The following CLUAP1 variants were observed in gnomAD, a reference collection of about 807,000 sequenced individuals.
CLUAP1 encodes the protein intraflagellar transport 38.
A neutral mutation model predicts 55.0 loss-of-function variants in CLUAP1; 50 were observed. The ratio of observed to expected loss-of-function variants is 0.91; its 90% CI spans 0.72 to 1.15. CLUAP1 has a LOEUF of 1.15. CLUAP1 is among the 50% of genes most tolerant of loss of function. The probability of loss-of-function intolerance (pLI) is 0.00; values close to 1 mark genes in which losing one functional copy is unlikely to be tolerated. For missense variants in CLUAP1, 530 were observed against 507.6 expected (o/e 1.04, Z -0.42); for synonymous variants, 195 against 175.4 (o/e 1.11, Z -0.88).
At chr16:3,496,404 T>C, upstream of CLUAP1, 1 of 1,082,390 alleles carries the variant, frequency 9.2e-7, no homozygotes, top group Non-Finnish European at 1.4e-6. Flanking sequence ...TCCCGGATGA[T>C]CCGGAAGATG....
chr16:3,515,802 T>C (rs146568208), intron 6 of CLUAP1, among the ~76,000 whole-genome samples: 2 of 152,356 alleles, frequency 1.3e-5, no homozygotes, highest in East Asian at 3.9e-4. Context: ...TCTCATGTTA[T>C]TAAAAATTGA....
intron 11 of CLUAP1, chr16:3,533,469 G>T: frequency 2.6e-6 from 1 of 383,194 alleles, no homozygotes; most frequent in African/African-American, 2.0e-5. Context: ...GGACGGAATG[G>T]TGAAGCAGCA....
upstream of CLUAP1, chr16:3,500,976 C>G (rs1177502264): frequency 7.6e-7 from 1 of 1,316,018 alleles, no homozygotes; most frequent in East Asian, 2.5e-5. Flanking sequence ...GTCCAAGGGT[C>G]CATTGGTTGC....
chr16:3,520,049 A>G lies in CLUAP1; in HGVS notation c.713+13A>G. ...TGCAGAGTGTCAGGTAGATATGAACACTTGGAGAATGAGTAGAAAGATGTC... is the reference window on the plus strand; with the variant it reads ...TGCAGAGTGTCAGGTAGATATGAACGCTTGGAGAATGAGTAGAAAGATGTC... On this transcript the variant is annotated intron_variant, in intron 7 of 11. Coordinates refer to ENST00000576634, the MANE Select transcript of CLUAP1 (RefSeq NM_015041.3). 6.3e-7 allele frequency: 1 copy of G among 1,593,830 alleles called. No homozygotes were observed. Among genetic ancestry groups the G allele is most frequent in the Non-Finnish European group, 8.5e-7 (1 of 1,173,636 alleles).
At chr16:3,526,856 T>A (rs1344840806) in intron 9 of CLUAP1, among the ~76,000 whole-genome samples, 2 of 152,180 alleles carry the variant, frequency 1.3e-5, no homozygotes, top group Non-Finnish European at 1.5e-5. Context: ...GATGCGTAAC[T>A]ATAAGAAAAC....
chr16:3,512,780 A>G (rs1243719659), intron 5 of CLUAP1, among the ~76,000 whole-genome samples: 2 of 152,134 alleles, frequency 1.3e-5, no homozygotes, highest in South Asian at 2.1e-4. Flanking sequence ...TCCCAGGTTC[A>G]CGCCATTCTC....
At chr16:3,500,367 T>C (rs1362545493), upstream of CLUAP1, among the ~76,000 whole-genome samples, 1 of 75,318 alleles carries the variant, frequency 1.3e-5, no homozygotes, top group East Asian at 5.5e-4. Flanking sequence ...GTATAGTGCA[T>C]TTTTTTTTTT....
At position 3,519,908 on chromosome 16, in the gene CLUAP1, G is replaced by A; in HGVS notation, c.585G>A (p.Gln195=). 2 of 1,597,888 alleles carry A rather than the reference G, an allele frequency of 1.3e-6. No homozygotes were observed. Among genetic ancestry groups the A allele is most frequent in the Non-Finnish European group, 1.7e-6 (2 of 1,175,456 alleles). Residue 195 remains glutamine (Q), a synonymous_variant, in exon 7 of 12, where the codon CAG becomes CAA. Transcript: ENST00000576634. ...TTATTTCCCATTAAATATAGACACA[G>A]GTTCAGAAGACTAAAGACCTGCTCA... ...MRIAIKEILT[Q]VQKTKDLLNN...
chr16:3,521,567 TG>T (rs1188966696), intron 7 of CLUAP1, among the ~76,000 whole-genome samples: 1 of 151,878 alleles, frequency 6.6e-6, no homozygotes, highest in Non-Finnish European at 1.5e-5. Flanking sequence ...CTCAAGTAGC[TG>T]GGATTACAGG....
intron 4 of CLUAP1, among the ~76,000 whole-genome samples, chr16:3,509,393 C>G (rs1049327294): frequency 6.6e-6 from 1 of 152,164 alleles, no homozygotes; most frequent in African/African-American, 2.4e-5. Context: ...TCGTTGGGAT[C>G]CAAGCGGAAC....
intron 5 of CLUAP1, among the ~76,000 whole-genome samples, chr16:3,512,773 C>T (rs564598446): frequency 1.0e-3 from 154 of 152,274 alleles, no homozygotes; most frequent in African/African-American, 3.7e-3. Context: ...CTCCGCCTCC[C>T]AGGTTCACGC....
intron 5 of CLUAP1, 86 bp from the exon 6 acceptor site, chr16:3,515,422 T>A (rs2037711115): frequency 2.2e-6 from 2 of 912,286 alleles, no homozygotes; most frequent in Non-Finnish European, 3.4e-6. Context: ...GGAGAATCAG[T>A]CTATAAGGCA....
At chr16:3,496,173 C>T, upstream of CLUAP1, 1 of 502,800 alleles carries the variant, frequency 2.0e-6, no homozygotes, top group Non-Finnish European at 3.8e-6. Context: ...TTCATCTTTC[C>T]GGACCTGGCC....
chr16:3,501,034 G>A lies in CLUAP1; in HGVS notation c.-34G>A, dbSNP rs375774922. ...GCCTGTGATCGCTGAGGGGCGAGCA[G>A]TTGCGACCCTGGGCTCCTGGGGACC... On this transcript the variant is annotated 5_prime_UTR_variant, in exon 1 of 12. Coordinates refer to ENST00000576634, the MANE Select transcript of CLUAP1 (RefSeq NM_015041.3). 68 of 1,595,214 alleles carry A rather than the reference G, an allele frequency of 4.3e-5. No individual in the cohort carries two copies. The African/African-American group carries it at 6.3e-4, about 15-fold the overall frequency.
chr16:3,496,586 C>T (rs879650657), upstream of CLUAP1: 2 of 536,674 alleles, frequency 3.7e-6, no homozygotes, highest in Admixed American at 2.0e-5. Flanking sequence ...TCAGCTGGCC[C>T]TGGACTCCCT....
intron 7 of CLUAP1, among the ~76,000 whole-genome samples, chr16:3,521,079 A>G (rs1487595756): frequency 6.6e-6 from 1 of 152,062 alleles, no homozygotes; most frequent in Non-Finnish European, 1.5e-5. Context: ...CAGCAACCAC[A>G]GGGAGCGCCC....
At chr16:3,514,523 T>G (rs1406304353) in intron 5 of CLUAP1, among the ~76,000 whole-genome samples, 1 of 152,184 alleles carries the variant, frequency 6.6e-6, no homozygotes, top group Admixed American at 6.5e-5. Flanking sequence ...CAAGACGAGT[T>G]TTGACACAGT....
chr16:3,523,264 G>C lies in CLUAP1; in HGVS notation c.820G>C (p.Glu274Gln). The change falls in exon 8 of 12, where the codon GAA (glutamate) becomes CAA (glutamine). Residue 274 changes from glutamate (E) to glutamine (Q), a missense_variant. Physicochemically the swap from Glu to Gln is conservative, Grantham distance 29. Transcript: ENST00000576634. Reference sequence around the variant, plus strand: ...TCTGACTTATCTGGAACAACAGCTTGAAGACCATCATAGGATGGAGCAAGA... The same window carrying C: ...TCTGACTTATCTGGAACAACAGCTTCAAGACCATCATAGGATGGAGCAAGA... The part of the protein sequence containing the change: ...QNLTYLEQQL[E>Q]DHHRMEQERF... The C allele has an allele frequency of 1.9e-6, 3 of 1,613,678 alleles. No individual in the cohort carries two copies. Among genetic ancestry groups the C allele is most frequent in the Non-Finnish European group, 2.5e-6 (3 of 1,179,934 alleles).
At chr16:3,530,435 A>T in intron 9 of CLUAP1, 133 bp from the exon 10 acceptor site, 1 of 681,598 alleles carries the variant, frequency 1.5e-6, no homozygotes, top group South Asian at 1.7e-5. Context: ...TGGGATAAGG[A>T]TTTAATGTCT....
Sources: allele counts gnomAD v4.1 joint callset (sites outside exome capture counted in the v4.1 genomes callset), GRCh38; gene constraint gnomAD v4.1.1; transcripts MANE v1.5; gene names NCBI Gene and HGNC (gene_info 2026-07-23, HGNC 2026-07-21).